The following SFPQ variants were observed in gnomAD, a reference collection of about 807,000 sequenced individuals.
SFPQ encodes splicing factor, proline- and glutamine-rich.
A neutral mutation model predicts 72.9 loss-of-function variants in SFPQ; 11 were observed. That is an observed-to-expected ratio of 0.15 (90% CI 0.09 to 0.25). SFPQ has a LOEUF of 0.25. Ranked by LOEUF, SFPQ falls within the 10% of genes least tolerant of loss-of-function variation. The probability of loss-of-function intolerance (pLI) is 1.00; values close to 1 mark genes in which losing one functional copy is unlikely to be tolerated. For synonymous variants in SFPQ, 506 were observed against 367.3 expected, an observed-to-expected ratio of 1.38 and a Z score of -4.32; for missense variants, 847 against 993.3, an observed-to-expected ratio of 0.85 and a Z score of 1.98.
chr1:35,189,047 T>C lies in SFPQ; in HGVS notation c.1653A>G (p.Glu551=). The change falls in exon 6 of 10, where the codon GAA becomes GAG. Residue 551 remains glutamate (E), a synonymous_variant. Coordinates refer to ENST00000357214, the MANE Select transcript of SFPQ (RefSeq NM_005066.3). The stretch of plus-strand genomic sequence containing the variant: ...GTTTCTGCATTTCTTGATTGTGAAG[T>C]TCTTCCATGCGTCTTAATTCTTCCT... ...RRQEELRRME[E]LHNQEMQKRK... 6.2e-7 allele frequency: 1 copy of C among 1,612,890 alleles called. No individual in the cohort carries two copies. Among genetic ancestry groups the C allele is most frequent in the South Asian group, 1.1e-5 (1 of 91,016 alleles).
chr1:35,181,359 A>C (rs1280514922), downstream of SFPQ: 10 of 1,065,130 alleles, frequency 9.4e-6, no homozygotes. Context: ...AAGAAAAGCC[A>C]AGTATCTAAA....
chr1:35,179,010 C>T, downstream of SFPQ: 1 of 1,057,798 alleles, frequency 9.5e-7, no homozygotes, highest in Non-Finnish European at 1.1e-6. Context: ...CATTATCTAG[C>T]AGCAATGACA....
downstream of SFPQ, chr1:35,178,744 CTGAA>C: frequency 9.5e-7 from 1 of 1,054,346 alleles, no homozygotes; most frequent in Non-Finnish European, 1.1e-6. Flanking sequence ...TTCTTCCTCC[CTGAA>C]TGATTACTGC....
chr1:35,184,122 A>C lies in SFPQ; in HGVS notation c.*334T>G. On this transcript the variant is annotated 3_prime_UTR_variant, in exon 10 of 10. Transcript: ENST00000357214. ...AATGGCAAAGTTGAAGATCAATATT[A>C]TAACTATTTTTCTATTTATTTGAAG... 1 of 1,135,200 alleles carries C rather than the reference A, an allele frequency of 8.8e-7. No homozygotes were observed. The highest frequency in any genetic ancestry group is 1.1e-6 in the Non-Finnish European group (1 of 924,946). The allele number at this position is 1,135,200 out of a possible 1,614,324, so 70.3% of individuals were successfully genotyped here. A position where few individuals can be genotyped will look rare whatever the true frequency, so the allele number is the denominator to read the frequency against.
At chr1:35,185,766 A>G (rs751258548) in intron 9 of SFPQ, among the ~76,000 whole-genome samples, 1 of 152,232 alleles carries the variant, frequency 6.6e-6, no homozygotes, top group Non-Finnish European at 1.5e-5. Flanking sequence ...TATAAATTAC[A>G]GGGTTTTTGG....
intron 1 of SFPQ, 71 bp from the exon 2 acceptor site, chr1:35,191,600 G>T: frequency 1.6e-6 from 2 of 1,237,284 alleles, no homozygotes; most frequent in Non-Finnish European, 2.3e-6. Context: ...GATAGTATTT[G>T]CTTATCTGAA....
Position 35,192,830 on chromosome 1 carries a change from G to A in SFPQ, c.220C>T (p.Pro74Ser). Residue 74 changes from proline (P) to serine (S), a missense_variant, in exon 1 of 10, where the codon CCG becomes TCG. Pro to Ser is a moderately conservative substitution (Grantham distance 74). Transcript: ENST00000357214. ...GGCTGCTGCGGCGGTGGCTGCTGCG[G>A]TGGTGGCTGTTGCTGCTGTTGGTGT... ...PPHQQQQQPP[P>S]QQPPPQQPPP... The A allele has an allele frequency of 6.6e-7, 1 of 1,518,632 alleles. No homozygotes were observed. Among genetic ancestry groups the A allele is most frequent in the Non-Finnish European group, 8.8e-7 (1 of 1,140,480 alleles). 94.1% of individuals were successfully genotyped at this position (1,518,632 alleles called of 1,614,324 possible). A position where few individuals can be genotyped will look rare whatever the true frequency, so the allele number is the denominator to read the frequency against.
chr1:35,185,337 C>T (rs577625913), intron 9 of SFPQ, among the ~76,000 whole-genome samples: 5 of 152,252 alleles, frequency 3.3e-5, no homozygotes, highest in African/African-American at 9.6e-5. Flanking sequence ...ATGAACAAAC[C>T]CCACCCACCT....
In SFPQ at chr1:35,189,071, C is replaced by G; in HGVS notation, c.1629G>C (p.Gln543His). The G allele has an allele frequency of 6.2e-7, 1 of 1,613,260 alleles. No homozygotes were observed. The highest frequency in any genetic ancestry group is 8.5e-7 in the Non-Finnish European group (1 of 1,179,888). Residue 543 changes from glutamine (Q) to histidine (H), a missense_variant, in exon 6 of 10, where the codon CAG becomes CAC. Gln to His is a conservative substitution (Grantham distance 24, BLOSUM62 0). Transcript: ENST00000357214. ...NLLRQDLMRR[Q>H]EELRRMEELH... Reference sequence around the variant, plus strand: ...GTTCTTCCATGCGTCTTAATTCTTCCTGTCGTCTCATCAGATCTGAACATT... The same window carrying G: ...GTTCTTCCATGCGTCTTAATTCTTCGTGTCGTCTCATCAGATCTGAACATT...
chr1:35,180,839 G>C, downstream of SFPQ: 2 of 985,344 alleles, frequency 2.0e-6, no homozygotes, highest in Non-Finnish European at 2.4e-6. Flanking sequence ...CCACACCACT[G>C]ATGTGTTCCA....
rs767562279 is a variant in SFPQ at position 35,190,990 on chromosome 1, A to G, written c.1023T>C (p.Ser341=). The change falls in exon 3 of 10, where the codon TCT becomes TCC. Residue 341 remains serine, a synonymous_variant. Transcript: ENST00000357214. ...CTTTGGCAATTTCAGCCAAAGCTCT[A>G]GATTCCTGTGTATCAGAGACACTCA... ...GKGFGFIKLE[S]RALAEIAKAE... is the part of the protein sequence containing the mutation. 2 of 1,612,730 alleles carry G rather than the reference A, an allele frequency of 1.2e-6. No homozygotes were observed. Among genetic ancestry groups the G allele is most frequent in the African/African-American group, 2.7e-5 (2 of 74,832 alleles).
intron 1 of SFPQ, among the ~76,000 whole-genome samples, chr1:35,191,948 G>A (rs981466868): frequency 3.5e-4 from 53 of 152,224 alleles, no homozygotes; most frequent in Admixed American, 4.6e-4. Flanking sequence ...CAGTCCCAGG[G>A]ACAGGATACC....
downstream of SFPQ, chr1:35,181,662 T>A (rs1174770387): frequency 9.4e-7 from 1 of 1,060,390 alleles, no homozygotes; most frequent in Non-Finnish European, 1.1e-6. Context: ...AAAACAAAAT[T>A]ATGAGAAAGT....
At chr1:35,182,510 T>C, downstream of SFPQ, 2 of 985,438 alleles carry the variant, frequency 2.0e-6, no homozygotes, top group African/African-American at 3.5e-5. Flanking sequence ...GATGCTTTTA[T>C]ACACTAGTGT....
intron 4 of SFPQ, among the ~76,000 whole-genome samples, chr1:35,190,111 C>T (rs541585665): frequency 6.6e-6 from 1 of 151,676 alleles, no homozygotes; most frequent in Non-Finnish European, 1.5e-5. Flanking sequence ...AAATAGAAAA[C>T]GAGCCAGGCA....
At chr1:35,181,070 C>G, downstream of SFPQ, 1 of 1,064,904 alleles carries the variant, frequency 9.4e-7, no homozygotes, top group South Asian at 4.6e-5. Context: ...AATGTGATGC[C>G]AGAATGCCCA....
At chr1:35,181,582 C>A, downstream of SFPQ, 6 of 1,061,480 alleles carry the variant, frequency 5.7e-6, no homozygotes, top group Non-Finnish European at 6.8e-6. Flanking sequence ...CTATTAAATA[C>A]ACTGGGGTCT....
At chr1:35,189,129 TA>T (rs1357812909) in intron 5 of SFPQ, 42 bp from the exon 6 acceptor site, 1 of 1,613,444 alleles carries the variant, frequency 6.2e-7, no homozygotes, top group Non-Finnish European at 8.5e-7. Context: ...AACAAGGTTC[TA>T]ATAAGGTGAA....
downstream of SFPQ, chr1:35,178,252 C>T: frequency 9.2e-7 from 1 of 1,092,842 alleles, no homozygotes; most frequent in Non-Finnish European, 1.1e-6. Context: ...AGAATGAAAA[C>T]TGTATTTTCT....
Sources: gnomAD v4.1 joint callset for allele counts (sites outside exome capture counted in the v4.1 genomes callset) on GRCh38, gnomAD v4.1.1 for gene constraint, MANE v1.5 for transcripts, NCBI Gene and HGNC (gene_info 2026-07-23, HGNC 2026-07-21) for gene names.